Variants in PXDNL observed in about 807,000 individuals in gnomAD.
PXDNL encodes the protein probable oxidoreductase PXDNL.
A neutral mutation model predicts 150.8 loss-of-function variants in PXDNL; 145 were observed. That is an observed-to-expected ratio of 0.96 (90% CI 0.84 to 1.10). PXDNL has a LOEUF of 1.10. Among genes scored for constraint, PXDNL ranks in the 50% least tolerant of loss-of-function variants. The probability of loss-of-function intolerance (pLI) is 0.00; values close to 1 mark genes in which losing one functional copy is unlikely to be tolerated. For missense variants in PXDNL, 2,087 were observed against 1,873.9 expected (o/e 1.11, Z -2.10); for synonymous variants, 757 against 725.7 (o/e 1.04, Z -0.69).
chr8:51,584,092 A>C (rs1380471222), intron 3 of PXDNL, among the ~76,000 whole-genome samples: 1 of 152,196 alleles, frequency 6.6e-6, no homozygotes, highest in Non-Finnish European at 1.5e-5. Context: ...TTAATTAATA[A>C]GATATGTTAC....
At chr8:51,644,703 C>T (rs534207365) in intron 2 of PXDNL, among the ~76,000 whole-genome samples, 20 of 151,706 alleles carry the variant, frequency 1.3e-4, no homozygotes, top group Non-Finnish European at 2.4e-4. Flanking sequence ...ATGATCCACC[C>T]GCCTCGGCCT....
At chr8:51,585,246 T>A (rs1813297982) in intron 3 of PXDNL, among the ~76,000 whole-genome samples, 1 of 152,096 alleles carries the variant, frequency 6.6e-6, no homozygotes, top group South Asian at 2.1e-4. Context: ...GAGTTAGAAA[T>A]TGCATGTGTA....
At chr8:51,336,499 AG>A (rs1333559316) in intron 21 of PXDNL, among the ~76,000 whole-genome samples, 5 of 152,202 alleles carry the variant, frequency 3.3e-5, no homozygotes, top group Non-Finnish European at 7.3e-5. Context: ...ACAAATACTC[AG>A]GGCTTGTCGC....
rs1808552002 is a variant in PXDNL at position 51,409,287 on chromosome 8, CGGCGGGAGGGGCT to C, written c.2324_2336del (p.Gln775ArgfsTer32). ...CCCACACTGTGGCGACCAGCCGGGGCGGCGGGAGGGGCTGGCGGGAGCCCACAGGAAGGCCGAG... is the reference window on the plus strand; with the variant it reads ...CCCACACTGTGGCGACCAGCCGGGGCGGCGGGAGCCCACAGGAAGGCCGAG... On this transcript the variant is annotated frameshift_variant, in exon 17 of 23. Coordinates refer to ENST00000356297, the MANE Select transcript of PXDNL (RefSeq NM_144651.5). LOFTEE classifies it high-confidence loss of function. 4 of 1,421,644 alleles carry C rather than the reference CGGCGGGAGGGGCT, an allele frequency of 2.8e-6. No individual in the cohort carries two copies. Among genetic ancestry groups the C allele is most frequent in the South Asian group, 3.0e-5 (2 of 66,266 alleles). The allele number at this position is 1,421,644 out of a possible 1,614,324, so 88.1% of individuals were successfully genotyped here.
chr8:51,661,847 C>CT lies in PXDNL; in HGVS notation c.165-7088dup, dbSNP rs5891426. On this transcript the variant is annotated intron_variant, in intron 1 of 22. Transcript: ENST00000356297. ...AGTGGGGTGATTTTTTCTTTCTTTT[C>CT]TTTTTTTTTTTTTTGTACATGTTTG... Among the ~76,000 whole-genome samples the CT allele has an allele frequency of 1.6e-3, 227 of 140,578 alleles. 1 individual carries two copies. The highest frequency in any genetic ancestry group is 0.011 in the South Asian group (48 of 4,440). The allele number at this position is 140,578 out of a possible 152,430, so 92.2% of individuals were successfully genotyped here.
chr8:51,641,837 C>A (rs1282430769), intron 2 of PXDNL, among the ~76,000 whole-genome samples: 1 of 151,976 alleles, frequency 6.6e-6, no homozygotes, highest in Non-Finnish European at 1.5e-5. Flanking sequence ...ACCATTTGAC[C>A]CAGCCATCCC....
intron 1 of PXDNL, among the ~76,000 whole-genome samples, chr8:51,731,478 C>A (rs1287652669): frequency 6.6e-6 from 1 of 152,230 alleles, no homozygotes; most frequent in Non-Finnish European, 1.5e-5. Context: ...CGTTGAGTGT[C>A]TGCAGCTTTT....
At chr8:51,424,082 G>A (rs142720268) in intron 13 of PXDNL, among the ~76,000 whole-genome samples, 59 of 152,238 alleles carry the variant, frequency 3.9e-4, no homozygotes, top group African/African-American at 1.4e-3. Context: ...ACTACATTTG[G>A]TCGGGCACAG....
rs9298461 is a variant in PXDNL at position 51,733,812 on chromosome 8, A to AATATATATAT, written c.164+75359_164+75368dup. ...GACACAGCAAGACTCTGTCTCAAAT[A>AATATATATAT]ATATATATATATATATATATAATTT... On this transcript the variant is annotated intron_variant, in intron 1 of 22. Transcript: ENST00000356297. Among the ~76,000 whole-genome samples the AATATATATAT allele has an allele frequency of 1.5e-3, 210 of 138,386 alleles. 3 individuals carry two copies. The highest frequency in any genetic ancestry group is 7.3e-3 in the Middle Eastern group (2 of 274). The allele number at this position is 138,386 out of a possible 152,430, so 90.8% of individuals were successfully genotyped here.
At chr8:51,616,037 C>T (rs1814123015) in intron 2 of PXDNL, among the ~76,000 whole-genome samples, 1 of 152,146 alleles carries the variant, frequency 6.6e-6, no homozygotes. Context: ...ACATGCTAAA[C>T]CACAAAGATC....
At position 51,783,603 on chromosome 8, in the gene PXDNL, G is replaced by A. The variant is rs930821661; in HGVS notation, c.164+25578C>T. Among the ~76,000 whole-genome samples, 9 of 152,188 alleles carry A rather than the reference G, an allele frequency of 5.9e-5. No homozygotes were observed. In the South Asian group the frequency reaches 1.0e-3, roughly 18 times the overall value. On this transcript the variant is annotated intron_variant, in intron 1 of 22. Transcript: ENST00000356297. ...ACTCATGCATTATTATAACTAAACCGTATAAAAATAATGCTCTACTACCTT... is the reference window on the plus strand; with the variant it reads ...ACTCATGCATTATTATAACTAAACCATATAAAAATAATGCTCTACTACCTT...
chr8:51,481,852 G>C (rs1331938007), intron 6 of PXDNL, among the ~76,000 whole-genome samples: 1 of 152,244 alleles, frequency 6.6e-6, no homozygotes, highest in Non-Finnish European at 1.5e-5. Flanking sequence ...AGATTTTACA[G>C]AATGTATAGA....
intron 21 of PXDNL, among the ~76,000 whole-genome samples, chr8:51,326,924 A>T (rs1805514421): frequency 6.6e-6 from 1 of 152,202 alleles, no homozygotes; most frequent in South Asian, 2.1e-4. Flanking sequence ...CCCCTACTTC[A>T]ATATGACTGA....
At chr8:51,596,623 T>C (rs1813572838) in intron 2 of PXDNL, among the ~76,000 whole-genome samples, 1 of 152,180 alleles carries the variant, frequency 6.6e-6, no homozygotes, top group Non-Finnish European at 1.5e-5. Context: ...TAGTATCTTA[T>C]TGTGGTTTTG....
intron 3 of PXDNL, among the ~76,000 whole-genome samples, chr8:51,578,100 GAAAAAGA>G (rs1204777168): frequency 7.4e-6 from 1 of 134,922 alleles, no homozygotes; most frequent in East Asian, 2.1e-4. Flanking sequence ...AAGAAAGAAA[GAAAAAGA>G]AAGAAAGAAA....
At chr8:51,531,454 A>T (rs185781591) in intron 4 of PXDNL, among the ~76,000 whole-genome samples, 3 of 152,310 alleles carry the variant, frequency 2.0e-5, no homozygotes, top group Admixed American at 6.5e-5. Context: ...TGAGGGCCAC[A>T]TCTGGAGCAG....
At chr8:51,755,807 T>C (rs1471216306) in intron 1 of PXDNL, among the ~76,000 whole-genome samples, 1 of 152,298 alleles carries the variant, frequency 6.6e-6, no homozygotes, top group Non-Finnish European at 1.5e-5. Context: ...GCATCTTTCT[T>C]GAGTCACTGT....
chr8:51,751,996 A>G (rs1056579301), intron 1 of PXDNL, among the ~76,000 whole-genome samples: 14 of 152,202 alleles, frequency 9.2e-5, no homozygotes, highest in African/African-American at 3.4e-4. Flanking sequence ...CACCAGTTAC[A>G]AGGAGAAGGC....
At chr8:51,344,646 G>T (rs1018783741) in intron 20 of PXDNL, among the ~76,000 whole-genome samples, 1 of 152,278 alleles carries the variant, frequency 6.6e-6, no homozygotes, top group Middle Eastern at 3.4e-3. Flanking sequence ...GTTAATATTT[G>T]TTTGATGCTT....
Sources: allele counts gnomAD v4.1 joint callset (sites outside exome capture counted in the v4.1 genomes callset), GRCh38; gene constraint gnomAD v4.1.1; transcripts MANE v1.5; gene names NCBI Gene and HGNC (gene_info 2026-07-23, HGNC 2026-07-21).